STK17A: variants seen among roughly 807,000 people sequenced by gnomAD.
The protein encoded by STK17A is serine/threonine-protein kinase 17A.
A neutral mutation model predicts 43.7 loss-of-function variants in STK17A; 26 were observed. That is an observed-to-expected ratio of 0.60 (90% CI 0.44 to 0.83). The LOEUF (loss-of-function observed/expected upper bound fraction) is 0.83, where lower values mean the gene tolerates loss of function less well. Among genes scored for constraint, STK17A ranks in the 40% least tolerant of loss-of-function variants. STK17A has a pLI of 0.00. For synonymous variants in STK17A, 191 were observed against 182.5 expected (o/e 1.05, Z -0.38); for missense variants, 476 against 511.6 (o/e 0.93, Z 0.67).
At chr7:43,613,097 A>G (rs1179782326) in intron 3 of STK17A, among the ~76,000 whole-genome samples, 4 of 152,190 alleles carry the variant, frequency 2.6e-5, no homozygotes, top group African/African-American at 9.7e-5. Context: ...AAATAGCACA[A>G]AGAAATCTGG....
intron 3 of STK17A, among the ~76,000 whole-genome samples, chr7:43,616,760 G>A (rs1009439894): frequency 6.6e-5 from 10 of 151,894 alleles, no homozygotes; most frequent in African/African-American, 9.7e-5. Context: ...AGCCGGGCGT[G>A]GTGGCGGGCT....
At chr7:43,592,681 C>G (rs892397228) in intron 1 of STK17A, among the ~76,000 whole-genome samples, 4 of 135,856 alleles carry the variant, frequency 2.9e-5, no homozygotes, top group African/African-American at 5.7e-5. Context: ...GAAACCCCAT[C>G]TGTACTAAAA....
intron 1 of STK17A, among the ~76,000 whole-genome samples, chr7:43,591,659 G>A (rs1006352554): frequency 1.3e-5 from 2 of 151,586 alleles, no homozygotes; most frequent in Admixed American, 6.6e-5. Context: ...AATGGGTGAG[G>A]AGCATGAGCA....
At chr7:43,592,081 C>T (rs185370383) in intron 1 of STK17A, among the ~76,000 whole-genome samples, 9 of 151,568 alleles carry the variant, frequency 5.9e-5, no homozygotes, top group African/African-American at 1.2e-4. Context: ...TCATTTCAGA[C>T]GAATTTTTTA....
intron 3 of STK17A, among the ~76,000 whole-genome samples, chr7:43,610,654 G>A (rs576807555): frequency 4.2e-4 from 64 of 152,186 alleles, no homozygotes; most frequent in African/African-American, 1.4e-3. Context: ...GCAACAGAGC[G>A]AGACTTCGTC....
chr7:43,618,775 T>A lies in STK17A; in HGVS notation c.565-822T>A, dbSNP rs575014057. Among the ~76,000 whole-genome samples the A allele has an allele frequency of 1.1e-4, 16 of 152,256 alleles. No individual in the cohort carries two copies. The South Asian group carries it at 3.3e-3, about 32-fold the overall frequency. The stretch of plus-strand genomic sequence containing the variant: ...CACTGATTCTGTGGCTCTGGGGAGC[T>A]CTTTCCCATTACTGTACATGTCCTC... On this transcript the variant is annotated intron_variant, in intron 3 of 6. Coordinates refer to ENST00000319357, the MANE Select transcript of STK17A (RefSeq NM_004760.3).
chr7:43,607,001 C>G (rs529119590), intron 2 of STK17A, among the ~76,000 whole-genome samples: 55 of 142,018 alleles, frequency 3.9e-4, no homozygotes, highest in Non-Finnish European at 6.9e-4. Context: ...TCGGTTCATC[C>G]CAACTTCTGC....
chr7:43,587,393 A>ATGTCATGTTT (rs1191363587), intron 1 of STK17A, among the ~76,000 whole-genome samples: 2 of 151,348 alleles, frequency 1.3e-5, no homozygotes, highest in Non-Finnish European at 3.0e-5. Flanking sequence ...AACATGACCA[A>ATGTCATGTTT]GCTTCAGTGT....
At chr7:43,583,831 T>G (rs746477199) in intron 1 of STK17A, among the ~76,000 whole-genome samples, 2 of 152,294 alleles carry the variant, frequency 1.3e-5, no homozygotes, top group Non-Finnish European at 2.9e-5. Context: ...CGACTTTGCA[T>G]TTTTCCTTCA....
intron 2 of STK17A, among the ~76,000 whole-genome samples, chr7:43,602,230 G>A (rs979302904): frequency 5.3e-5 from 8 of 151,958 alleles, no homozygotes; most frequent in Admixed American, 1.3e-4. Flanking sequence ...CCCTCCTCCC[G>A]TGGTGGTTCT....
intron 2 of STK17A, among the ~76,000 whole-genome samples, chr7:43,605,158 C>A (rs891448897): frequency 3.9e-5 from 6 of 152,034 alleles, no homozygotes; most frequent in African/African-American, 1.4e-4. Context: ...ATTTCTGGGT[C>A]TGCTTTTATT....
At chr7:43,589,208 A>G (rs139301035) in intron 1 of STK17A, among the ~76,000 whole-genome samples, 43 of 151,634 alleles carry the variant, frequency 2.8e-4, no homozygotes, top group African/African-American at 1.0e-3. Flanking sequence ...TGTGCTGATT[A>G]TATTTGCACA....
intron 3 of STK17A, among the ~76,000 whole-genome samples, chr7:43,618,424 G>A (rs1203197959): frequency 6.6e-6 from 1 of 152,170 alleles, no homozygotes. Flanking sequence ...CAGACTGTTT[G>A]ATTTGGAGCA....
intron 1 of STK17A, among the ~76,000 whole-genome samples, chr7:43,588,266 G>A (rs946838396): frequency 6.6e-6 from 1 of 151,460 alleles, no homozygotes; most frequent in South Asian, 2.1e-4. Flanking sequence ...ACACTTTAAA[G>A]ATGTAATTTT....
intron 4 of STK17A, among the ~76,000 whole-genome samples, chr7:43,620,590 C>T (rs1267501570): frequency 6.6e-6 from 1 of 151,418 alleles, no homozygotes; most frequent in South Asian, 2.1e-4. Context: ...AGGAGAATGG[C>T]GTGAACCTGG....
At chr7:43,600,997 ATGTT>A (rs1173360802) in intron 2 of STK17A, among the ~76,000 whole-genome samples, 1 of 152,242 alleles carries the variant, frequency 6.6e-6, no homozygotes, top group African/African-American at 2.4e-5. Context: ...AATAATCTAA[ATGTT>A]TGTTAGAAAA....
intron 6 of STK17A, among the ~76,000 whole-genome samples, chr7:43,624,168 T>C (rs1044659228): frequency 6.6e-6 from 1 of 152,220 alleles, no homozygotes; most frequent in Admixed American, 6.5e-5. Flanking sequence ...AACTGTATTA[T>C]TGCAAATGTG....
chr7:43,614,626 G>A (rs1341848141), intron 3 of STK17A, among the ~76,000 whole-genome samples: 1 of 152,156 alleles, frequency 6.6e-6, no homozygotes, highest in African/African-American at 2.4e-5. Flanking sequence ...CAGTTAGTTG[G>A]TAAAGGCCAC....
At chr7:43,585,381 GTTTC>G (rs1332758026) in intron 1 of STK17A, among the ~76,000 whole-genome samples, 2 of 145,162 alleles carry the variant, frequency 1.4e-5, no homozygotes, top group Non-Finnish European at 3.2e-5. Context: ...CTTCAGGAAT[GTTTC>G]TTTCAACTTT....
Sources: allele counts gnomAD v4.1 joint callset (sites outside exome capture counted in the v4.1 genomes callset), GRCh38; gene constraint gnomAD v4.1.1; transcripts MANE v1.5; gene names NCBI Gene and HGNC (gene_info 2026-07-23, HGNC 2026-07-21).